The following GPC4 variants were observed in gnomAD, a reference collection of about 807,000 sequenced individuals.
The protein encoded by GPC4 is glypican-4.
GPC4 carries 10 observed loss-of-function variants against 35.0 expected under a neutral mutation model. The ratio of observed to expected loss-of-function variants is 0.29; its 90% CI spans 0.18 to 0.48. The LOEUF (loss-of-function observed/expected upper bound fraction) is 0.48, where lower values mean the gene tolerates loss of function less well. Among genes scored for constraint, GPC4 ranks in the 20% least tolerant of loss-of-function variants. The pLI, the probability that GPC4 is intolerant of heterozygous loss-of-function variation, is 0.99. For missense variants in GPC4, 322 were observed against 451.3 expected (o/e 0.71, Z 2.60); for synonymous variants, 167 against 170.2 (o/e 0.98, Z 0.15).
intron 1 of GPC4, among the ~76,000 whole-genome samples, chrX:133,364,017 A>G (rs2068580105): frequency 8.9e-6 from 1 of 112,035 alleles, no homozygotes; most frequent in Admixed American, 9.5e-5. Context: ...TCAGTACTTC[A>G]TTCTTATTTA....
At chrX:133,388,942 T>C (rs1327077914) in intron 1 of GPC4, among the ~76,000 whole-genome samples, 2 of 94,579 alleles carry the variant, frequency 2.1e-5, no homozygotes, top group Non-Finnish European at 4.1e-5. Flanking sequence ...CCAGCACAGC[T>C]ACCCATAGCC....
chrX:133,320,531 G>A (rs1201354509), intron 3 of GPC4, among the ~76,000 whole-genome samples: 3 of 106,432 alleles, frequency 2.8e-5, no homozygotes, highest in Non-Finnish European at 5.8e-5. Flanking sequence ...GGCTGAGGCA[G>A]GAGAACTGCT....
At chrX:133,344,362 A>T (rs1308091180) in intron 1 of GPC4, among the ~76,000 whole-genome samples, 4 of 105,575 alleles carry the variant, frequency 3.8e-5, no homozygotes, top group African/African-American at 1.4e-4. Context: ...AGTAGCTAGG[A>T]TTACAGGCAT....
chrX:133,414,790 G>C lies in GPC4; in HGVS notation c.160+16C>G, dbSNP rs753104135. 2.9e-5 allele frequency: 35 copies of C among 1,205,766 alleles called. No individual in the cohort carries two copies. The highest frequency in any genetic ancestry group is 3.5e-5 in the African/African-American group (2 of 57,352). On this transcript the variant is annotated intron_variant, in intron 1 of 8. Coordinates refer to ENST00000370828, the MANE Select transcript of GPC4 (RefSeq NM_001448.3). ...GTGTCGGTCTCTGCGCCCACCTCCC[G>C]GGTGTGCCCACCTACCGTTGATCTC...
At chrX:133,316,776 T>C (rs1158515730) in intron 3 of GPC4, among the ~76,000 whole-genome samples, 1 of 111,638 alleles carries the variant, frequency 9.0e-6, no homozygotes, top group African/African-American at 3.3e-5. Context: ...TACTCATCAG[T>C]CCCTGCTCAC....
chrX:133,413,457 G>T (rs1000969258), intron 1 of GPC4, among the ~76,000 whole-genome samples: 1 of 111,982 alleles, frequency 8.9e-6, no homozygotes, highest in African/African-American at 3.2e-5. Context: ...GTTATTAATA[G>T]CCCTTCCAAA....
At chrX:133,333,356 G>T (rs988818585) in intron 2 of GPC4, among the ~76,000 whole-genome samples, 1 of 112,728 alleles carries the variant, frequency 8.9e-6, no homozygotes, top group African/African-American at 3.2e-5. Context: ...AAGAGGAGAG[G>T]CCCAAAGTTA....
At chrX:133,379,522 A>G (rs2068651304) in intron 1 of GPC4, among the ~76,000 whole-genome samples, 1 of 111,907 alleles carries the variant, frequency 8.9e-6, no homozygotes, top group African/African-American at 3.3e-5. Flanking sequence ...CTGTTTATAT[A>G]CTAAATGCCA....
intron 1 of GPC4, among the ~76,000 whole-genome samples, chrX:133,414,038 G>A (rs2068825395): frequency 9.0e-6 from 1 of 111,251 alleles, no homozygotes; most frequent in Non-Finnish European, 1.9e-5. Context: ...GTCTGTAATT[G>A]AAAGTGCAAT....
intron 2 of GPC4, among the ~76,000 whole-genome samples, chrX:133,333,911 T>G (rs1018867199): frequency 7.1e-5 from 8 of 112,719 alleles, no homozygotes; most frequent in Admixed American, 3.8e-4. Flanking sequence ...ACACTTACTT[T>G]GAGGGTGTTT....
chrX:133,309,702 C>T (rs1229260715), intron 4 of GPC4, among the ~76,000 whole-genome samples: 1 of 112,447 alleles, frequency 8.9e-6, no homozygotes. Flanking sequence ...GGATCACCAA[C>T]TTTCTTTAAA....
Position 133,354,533 on chromosome X carries a change from G to A in GPC4, c.161-15192C>T, listed in dbSNP as rs180944010. On this transcript the variant is annotated intron_variant, in intron 1 of 8. Coordinates refer to ENST00000370828, the MANE Select transcript of GPC4 (RefSeq NM_001448.3). ...TTTCACTGGATCATAAACCATGCAA[G>A]GTCATGTTTTATTTATTTATTTATT... 4.0e-3 allele frequency among the ~76,000 whole-genome samples: 408 copies of A among 101,873 alleles called. 4 individuals are homozygous for A. The highest frequency in any genetic ancestry group is 0.014 in the African/African-American group (384 of 28,145). 88.5% of individuals were successfully genotyped at this position (101,873 alleles called of 115,157 possible).
intron 2 of GPC4, among the ~76,000 whole-genome samples, chrX:133,328,771 C>T (rs192486866): frequency 4.2e-4 from 47 of 111,318 alleles, no homozygotes; most frequent in Non-Finnish European, 3.4e-4. Context: ...AGAGAACCAG[C>T]CAAGAGCAAT....
intron 1 of GPC4, 66 bp from the exon 2 acceptor site, chrX:133,339,407 T>C: frequency 2.9e-6 from 3 of 1,046,039 alleles, no homozygotes; most frequent in Non-Finnish European, 3.9e-6. Flanking sequence ...GGGAAAGGTT[T>C]GATTTAGGTT....
Position 133,304,739 on chromosome X carries a change from C to A in GPC4, c.1278G>T (p.Gly426=). ...GNGNEDDCWN[G]KGKSRYLFAV... ...CAGACACTAACCTGCTTTTGCCTTTCCCATTCCAACAGTCATCCTCATTGC... is the reference window on the plus strand; with the variant it reads ...CAGACACTAACCTGCTTTTGCCTTTACCATTCCAACAGTCATCCTCATTGC... The change falls in exon 7 of 9, where the codon GGG becomes GGT. Residue 426 remains glycine, a synonymous_variant. Coordinates refer to ENST00000370828, the MANE Select transcript of GPC4 (RefSeq NM_001448.3). The A allele has an allele frequency of 1.7e-6, 2 of 1,211,636 alleles. No homozygotes were observed. Among genetic ancestry groups the A allele is most frequent in the Admixed American group, 4.3e-5 (2 of 46,041 alleles).
intron 8 of GPC4, 35 bp downstream of exon 8, chrX:133,303,131 A>T (rs1299071881): frequency 1.7e-6 from 2 of 1,206,874 alleles, no homozygotes; most frequent in African/African-American, 3.5e-5. Context: ...AAGACATACA[A>T]GAGCAATTCG....
intron 1 of GPC4, among the ~76,000 whole-genome samples, chrX:133,350,415 C>A (rs1209751637): frequency 9.0e-6 from 1 of 110,655 alleles, no homozygotes; most frequent in Non-Finnish European, 1.9e-5. Flanking sequence ...CCCAGCTAGT[C>A]AGGCAGGCTG....
At chrX:133,341,630 G>T (rs751140538) in intron 1 of GPC4, among the ~76,000 whole-genome samples, 17 of 110,956 alleles carry the variant, frequency 1.5e-4, no homozygotes, top group African/African-American at 5.6e-4. Flanking sequence ...AGGTTTCTAA[G>T]TTCACAGAAA....
At chrX:133,330,947 AAAACAAACAAACGAACAAAC>A (rs1458051126) in intron 2 of GPC4, among the ~76,000 whole-genome samples, 2 of 108,036 alleles carry the variant, frequency 1.9e-5, no homozygotes, top group African/African-American at 3.5e-5. Context: ...AAGTCTAAGC[AAAACAAACAAACGAACAAAC>A]AAACAAACAA....
Sources: allele counts gnomAD v4.1 joint callset (sites outside exome capture counted in the v4.1 genomes callset), GRCh38; gene constraint gnomAD v4.1.1; transcripts MANE v1.5; gene names NCBI Gene and HGNC (gene_info 2026-07-23, HGNC 2026-07-21).